The following ABCC6 variants were observed in gnomAD, a reference collection of about 807,000 sequenced individuals.
ABCC6 encodes ATP binding cassette subfamily C member 6, also known as ATP-binding cassette sub-family C member 6.
Under a neutral mutation model 169.5 loss-of-function variants are expected in ABCC6, and 126 were observed. The observed-to-expected ratio is 0.74, with a 90% CI of 0.64 to 0.86. The LOEUF is 0.86. Among genes scored for constraint, ABCC6 ranks in the 40% least tolerant of loss-of-function variants. ABCC6 has a pLI of 0.00. For synonymous variants in ABCC6, 752 were observed against 814.7 expected (o/e 0.92, Z 1.31); for missense variants, 1,733 against 1,927.2 (o/e 0.90, Z 1.89).
rs57794451 is a variant in ABCC6 at position 16,178,907 on chromosome 16, C to A, written c.2306G>T (p.Arg769Ile). Residue 769 changes from arginine to isoleucine, a missense_variant, in exon 18 of 31, where the codon AGA becomes ATA. Coordinates refer to ENST00000205557, the MANE Select transcript of ABCC6 (RefSeq NM_001171.6). ...QRLSLARAVY[R>I]KAAVYLLDDP... ...ATCCAGCAGGTACACAGCTGCCTTT[C>A]TGTATACAGCCCGGGCCAGGCTCAG... The A allele has an allele frequency of 6.2e-7, 1 of 1,613,786 alleles. No homozygotes were observed. The highest frequency in any genetic ancestry group is 1.1e-5 in the South Asian group (1 of 91,080).
rs773773146 is a variant in ABCC6 at position 16,165,634 on chromosome 16, C to T, written c.3295G>A (p.Ala1099Thr). Residue 1099 changes from alanine to threonine, a missense_variant, in exon 23 of 31, where the codon GCT becomes ACT. By Grantham distance (58) the Ala-to-Thr change is moderately conservative (BLOSUM62 0). This residue lies in a region of ABCC6 where 1,601 missense variants were observed against 1,635.5 expected (regional missense o/e 0.98). Coordinates refer to ENST00000205557, the MANE Select transcript of ABCC6 (RefSeq NM_001171.6). ...TGACCTCTCCGTACCTGAAACCCAG[C>T]GTAGAGGAGAAACAGTGGCAGGATG... ...VAILPLFLLY[A>T]GFQSLYVVSS... 30 of 1,613,118 alleles carry T rather than the reference C, an allele frequency of 1.9e-5. No homozygotes were observed. The highest frequency in any genetic ancestry group is 9.9e-5 in the South Asian group (9 of 91,076).
intron 27 of ABCC6, among the ~76,000 whole-genome samples, 199 bp downstream of exon 27, chr16:16,157,464 A>G (rs914179640): frequency 1.3e-5 from 2 of 152,138 alleles, no homozygotes; most frequent in Non-Finnish European, 2.9e-5. Flanking sequence ...TGGGGACACC[A>G]AGGTGGATGA....
chr16:16,198,226 G>A, intron 9 of ABCC6, 44 bp from the exon 10 acceptor site: 2 of 1,552,492 alleles, frequency 1.3e-6, no homozygotes, highest in Non-Finnish European at 1.7e-6. Context: ...GGGAGGCCGG[G>A]GCAGAGGGAT....
intron 19 of ABCC6, among the ~76,000 whole-genome samples, chr16:16,177,154 G>A (rs897880631): frequency 6.6e-6 from 1 of 152,208 alleles, no homozygotes; most frequent in Non-Finnish European, 1.5e-5. Flanking sequence ...CTTTGCCTCA[G>A]TTTGCTCATC....
At chr16:16,160,628 CA>C (rs34511090) in intron 25 of ABCC6, among the ~76,000 whole-genome samples, 2,777 of 76,172 alleles carry the variant, frequency 0.036, 56 homozygotes, top group East Asian at 0.22. Context: ...CTGTTTCTAC[CA>C]AAAAAAAAAA....
At chr16:16,150,308 C>G in intron 30 of ABCC6, 67 bp from the exon 31 acceptor site, 1 of 1,607,476 alleles carries the variant, frequency 6.2e-7, no homozygotes, top group Admixed American at 1.7e-5. Context: ...GCTGTGAGAG[C>G]CCAGTGTGTC....
At chr16:16,170,955 A>C (rs2047046548) in intron 21 of ABCC6, among the ~76,000 whole-genome samples, 1 of 149,568 alleles carries the variant, frequency 6.7e-6, no homozygotes, top group Admixed American at 6.7e-5. Flanking sequence ...AGAAAGAAAG[A>C]AAGAAAGAAA....
intron 25 of ABCC6, 136 bp downstream of exon 25, chr16:16,161,302 G>T: frequency 1.5e-6 from 2 of 1,324,326 alleles, no homozygotes; most frequent in African/African-American, 2.9e-5. Flanking sequence ...GTAGAGCTGC[G>T]TGTCCCTCCT....
chr16:16,194,666 G>A (rs1466004406), intron 10 of ABCC6, among the ~76,000 whole-genome samples: 1 of 152,086 alleles, frequency 6.6e-6, no homozygotes, highest in Non-Finnish European at 1.5e-5. Context: ...TCAGTCCTTA[G>A]GAACACTATG....
chr16:16,178,187 C>T lies in ABCC6; in HGVS notation c.2416-561G>A, dbSNP rs529369333. ...CTAAAAATACAAAAAATTAGCTGGG[C>T]GTGGTGGCGGGCACCTGTAGTCCCA... On this transcript the variant is annotated intron_variant, in intron 18 of 30. Coordinates refer to ENST00000205557, the MANE Select transcript of ABCC6 (RefSeq NM_001171.6). Among the ~76,000 whole-genome samples, 7 of 151,822 alleles carry T rather than the reference C, an allele frequency of 4.6e-5. No homozygotes were observed. The South Asian group carries it at 8.4e-4, about 18-fold the overall frequency.
At chr16:16,181,410 A>G (rs2152256803) in intron 17 of ABCC6, among the ~76,000 whole-genome samples, 1 of 151,066 alleles carries the variant, frequency 6.6e-6, no homozygotes, top group Middle Eastern at 3.4e-3. Context: ...TAACAATAGT[A>G]GGGTGGCTGT....
In ABCC6 at chr16:16,182,574, G is replaced by T. The variant is rs199913903; in HGVS notation, c.2085C>A (p.Tyr695Ter). 6.2e-7 allele frequency: 1 copy of T among 1,612,516 alleles called. No homozygotes were observed. Residue 695 changes from tyrosine (Y) to a stop codon, truncating the protein, a stop_gained, in exon 17 of 31, where the codon TAC (tyrosine) becomes TAA (stop). Coordinates refer to ENST00000205557, the MANE Select transcript of ABCC6 (RefSeq NM_001171.6). LOFTEE classifies it high-confidence loss of function. ...TCTGCACCCAGGCCTCCTGGGGCACGTAGGCCACAGCACCCTAAAACACAA... is the reference window on the plus strand; with the variant it reads ...TCTGCACCCAGGCCTCCTGGGGCACTTAGGCCACAGCACCCTAAAACACAA... ...GFVSIEGAVA[Y>*]VPQEAWVQNT...
intron 26 of ABCC6, among the ~76,000 whole-genome samples, chr16:16,158,334 G>C (rs905658420): frequency 6.6e-6 from 1 of 152,030 alleles, no homozygotes; most frequent in Non-Finnish European, 1.5e-5. Flanking sequence ...TGTTACATTA[G>C]TGCTATGCTG....
At chr16:16,190,122 C>T in intron 12 of ABCC6, 42 bp downstream of exon 12, 1 of 1,608,310 alleles carries the variant, frequency 6.2e-7, no homozygotes, top group Non-Finnish European at 8.5e-7. Context: ...CCCCGCACTC[C>T]TTCCCCAGTG....
In ABCC6 at chr16:16,157,537, T is replaced by C. The variant is rs963607155; in HGVS notation, c.3882+126A>G. 3.2e-6 allele frequency: 4 copies of C among 1,248,186 alleles called. No individual in the cohort carries two copies. The African/African-American group carries it at 5.9e-5, about 19-fold the overall frequency. 77.3% of individuals were successfully genotyped at this position (1,248,186 alleles called of 1,614,324 possible). ...GGAGTTCATTTTAGGGGGTAATGGG[T>C]CTGAAAGCTAGGGGACCTGAGGTGG... On this transcript the variant is annotated intron_variant, in intron 27 of 30. Transcript: ENST00000205557.
chr16:16,156,506 A>G (rs1286998688), intron 27 of ABCC6, among the ~76,000 whole-genome samples: 1 of 152,194 alleles, frequency 6.6e-6, no homozygotes, highest in Non-Finnish European at 1.5e-5. Context: ...TGGCAGAGCA[A>G]TGAATGAGAG....
In ABCC6 at chr16:16,150,656, G is replaced by C. The variant is rs1278795080; in HGVS notation, c.4325C>G (p.Ala1442Gly). Reference protein sequence around the residue: ...VDPGTELQMQAMLGSWFAQCT... With the variant: ...VDPGTELQMQGMLGSWFAQCT... Reference sequence around the variant, plus strand: ...CTGTGCAAACCAGCTCCCGAGCATGGCCTGCATCTGCAGCTCCGTGCCAGG... The same window carrying C: ...CTGTGCAAACCAGCTCCCGAGCATGCCCTGCATCTGCAGCTCCGTGCCAGG... The change falls in exon 30 of 31, where the codon GCC becomes GGC. Residue 1442 changes from alanine to glycine, a missense_variant. By Grantham distance (60) the Ala-to-Gly change is moderately conservative. Coordinates refer to ENST00000205557, the MANE Select transcript of ABCC6 (RefSeq NM_001171.6). 1 of 1,613,400 alleles carries C rather than the reference G, an allele frequency of 6.2e-7. No homozygotes were observed. Among genetic ancestry groups the C allele is most frequent in the East Asian group, 2.2e-5 (1 of 44,882 alleles).
chr16:16,175,650 C>T (rs533310861), intron 20 of ABCC6, among the ~76,000 whole-genome samples: 14 of 152,314 alleles, frequency 9.2e-5, no homozygotes, highest in African/African-American at 1.7e-4. Flanking sequence ...AAGCTGGCCT[C>T]GGCCCACTTG....
At chr16:16,210,206 G>A (rs1405661255) in intron 6 of ABCC6, among the ~76,000 whole-genome samples, 1 of 150,630 alleles carries the variant, frequency 6.6e-6, no homozygotes, top group East Asian at 2.0e-4. Context: ...GTGTGATCTC[G>A]GCTCACCGCA....
Sources: allele counts gnomAD v4.1 joint callset (sites outside exome capture counted in the v4.1 genomes callset), GRCh38; gene constraint gnomAD v4.1.1; regional missense constraint gnomAD v4.1.1; transcripts MANE v1.5; gene names NCBI Gene and HGNC (gene_info 2026-07-23, HGNC 2026-07-21).